RNF43: variants seen among roughly 807,000 people sequenced by gnomAD.
RNF43 encodes ring finger protein 43, also known as E3 ubiquitin-protein ligase RNF43.
RNF43 carries 37 observed loss-of-function variants against 78.4 expected under a neutral mutation model. That is an observed-to-expected ratio of 0.47 (90% CI 0.36 to 0.62). The LOEUF is 0.62. Ranked by LOEUF, RNF43 falls within the 20% of genes least tolerant of loss-of-function variation. The pLI is 0.00. For synonymous variants in RNF43, 347 were observed against 395.0 expected (o/e 0.88, Z 1.44); for missense variants, 774 against 1,007.9 (o/e 0.77, Z 3.14).
In RNF43 at chr17:58,354,939, C is replaced by T; in HGVS notation, c.*4G>A. ...ACTCTTGGTTGGAGCTAGGCCTGAA[C>T]ATCTCACACAGCCTGTTCACACAGC... On this transcript the variant is annotated 3_prime_UTR_variant, in exon 10 of 10. Coordinates refer to ENST00000407977, the MANE Select transcript of RNF43 (RefSeq NM_017763.6). The T allele has an allele frequency of 1.9e-6, 3 of 1,614,048 alleles. No homozygotes were observed. Among genetic ancestry groups the T allele is most frequent in the Non-Finnish European group, 2.5e-6 (3 of 1,179,900 alleles).
chr17:58,389,377 T>G (rs1465972968), intron 2 of RNF43, among the ~76,000 whole-genome samples: 1 of 152,096 alleles, frequency 6.6e-6, no homozygotes, highest in African/African-American at 2.4e-5. Context: ...TAGGGAAAAT[T>G]TAAGTCAGTC....
chr17:58,411,447 C>T (rs1974022953), intron 2 of RNF43, among the ~76,000 whole-genome samples: 1 of 152,004 alleles, frequency 6.6e-6, no homozygotes. Flanking sequence ...GATGGGATAA[C>T]TATGTGTTGA....
chr17:58,382,021 G>C (rs1973331619), intron 2 of RNF43, among the ~76,000 whole-genome samples: 1 of 151,854 alleles, frequency 6.6e-6, no homozygotes, highest in African/African-American at 2.4e-5. Context: ...GTTCAAATTG[G>C]GCCCTTCTCC....
chr17:58,383,157 C>A (rs1024515798), intron 2 of RNF43, among the ~76,000 whole-genome samples: 2 of 152,196 alleles, frequency 1.3e-5, no homozygotes, highest in African/African-American at 4.8e-5. Context: ...AGAATCAGTT[C>A]ACTCTGGATA....
chr17:58,364,577 G>A, intron 3 of RNF43, among the ~76,000 whole-genome samples: 1 of 152,320 alleles, frequency 6.6e-6, no homozygotes, highest in South Asian at 2.1e-4. Flanking sequence ...CTGCTCCTGG[G>A]CTTGGCCTGG....
chr17:58,352,788 C>A, downstream of RNF43: 1 of 218,750 alleles, frequency 4.6e-6, no homozygotes, highest in Non-Finnish European at 9.2e-6. Flanking sequence ...TTGCTCGTTC[C>A]GGCTGATAAT....
intron 2 of RNF43, among the ~76,000 whole-genome samples, chr17:58,375,563 CAATA>C (rs1973189475): frequency 6.6e-6 from 1 of 152,072 alleles, no homozygotes; most frequent in Non-Finnish European, 1.5e-5. Flanking sequence ...GGCACTCAAT[CAATA>C]TTTGTTGATT....
At chr17:58,374,076 A>G (rs2143531002) in intron 2 of RNF43, among the ~76,000 whole-genome samples, 1 of 152,270 alleles carries the variant, frequency 6.6e-6, no homozygotes, top group South Asian at 2.1e-4. Flanking sequence ...CATCCTCATA[A>G]CAACACTATC....
chr17:58,391,931 T>C (rs757735094), intron 2 of RNF43, among the ~76,000 whole-genome samples: 3 of 152,108 alleles, frequency 2.0e-5, no homozygotes, highest in Non-Finnish European at 4.4e-5. Flanking sequence ...CAGATTCCTT[T>C]TGAAGCAGTT....
chr17:58,363,028 C>A, intron 5 of RNF43: 2 of 555,850 alleles, frequency 3.6e-6, no homozygotes, highest in Non-Finnish European at 6.4e-6. Flanking sequence ...CTCTGCTATT[C>A]CATGCCATGA....
chr17:58,366,282 G>T lies in RNF43; in HGVS notation c.376-2682C>A, dbSNP rs1972947887. 2.0e-5 allele frequency among the ~76,000 whole-genome samples: 3 copies of T among 152,120 alleles called. No individual in the cohort carries two copies. In the South Asian group the frequency reaches 6.2e-4, roughly 32 times the overall value. ...CAATCTGGCACAAATGTTCAATATA[G>T]AAAGCAGATAAAAGTGAGGCTGCTT... On this transcript the variant is annotated intron_variant, in intron 3 of 9. Transcript: ENST00000407977.
chr17:58,362,551 C>A lies in RNF43; in HGVS notation c.680G>T (p.Ser227Ile), dbSNP rs753641688. 6.2e-7 allele frequency: 1 copy of A among 1,609,504 alleles called. No homozygotes were observed. Among genetic ancestry groups the A allele is most frequent in the Non-Finnish European group, 8.5e-7 (1 of 1,177,632 alleles). ...VLRIRCRPRH[S>I]RPDPLQQRTA... ...AGACCCCACACTGCTCACCGGCCTG[C>A]TGTGGCGGGGGCGGCACCGGATGCG... Residue 227 changes from serine (S) to isoleucine (I), a missense_variant, in exon 6 of 10, where the codon AGC becomes ATC. Ser to Ile is a moderately radical substitution (Grantham distance 142). Transcript: ENST00000407977.
In RNF43 at chr17:58,395,367, C is replaced by G. The variant is rs1973656353; in HGVS notation, c.252+19959G>C. Among the ~76,000 whole-genome samples the G allele has an allele frequency of 2.6e-5, 4 of 152,164 alleles. No individual in the cohort carries two copies. In the South Asian group the frequency reaches 8.3e-4, roughly 32 times the overall value. On this transcript the variant is annotated intron_variant, in intron 2 of 9. Transcript: ENST00000407977. ...TATATACAACTCAACTATTTCTGAT[C>G]AGAGATCTGGTTCCATAGTCAGATG...
At position 58,396,852 on chromosome 17, in the gene RNF43, T is replaced by C. The variant is rs1207904663; in HGVS notation, c.252+18474A>G. Among the ~76,000 whole-genome samples, 5 of 152,196 alleles carry C rather than the reference T, an allele frequency of 3.3e-5. No homozygotes were observed. In the East Asian group the frequency reaches 9.6e-4, roughly 29 times the overall value. On this transcript the variant is annotated intron_variant, in intron 2 of 9. Coordinates refer to ENST00000407977, the MANE Select transcript of RNF43 (RefSeq NM_017763.6). ...TTATATATACACACACACACTACCA[T>C]AGTAGTTGCTTTTGTATAAAATCAA...
intron 4 of RNF43, 33 bp downstream of exon 4, chr17:58,363,493 C>T (rs747646412): frequency 1.2e-6 from 2 of 1,611,584 alleles, no homozygotes; most frequent in African/African-American, 1.3e-5. Flanking sequence ...TCCATCCAGC[C>T]CCCACCTTGA....
At chr17:58,395,527 T>C (rs576841402) in intron 2 of RNF43, among the ~76,000 whole-genome samples, 1 of 152,282 alleles carries the variant, frequency 6.6e-6, no homozygotes, top group African/African-American at 2.4e-5. Context: ...AGTAATTATA[T>C]TATTATGGCA....
intron 9 of RNF43, among the ~76,000 whole-genome samples, chr17:58,355,768 G>A (rs1357663601): frequency 6.6e-6 from 1 of 152,210 alleles, no homozygotes; most frequent in African/African-American, 2.4e-5. Flanking sequence ...TAGGTGAGCA[G>A]TGGAGCTGTG....
chr17:58,416,783 G>T (rs974331960), intron 1 of RNF43: 2 of 152,126 alleles, frequency 1.3e-5, no homozygotes, highest in Non-Finnish European at 2.9e-5. Flanking sequence ...GAAAATTTGC[G>T]TCTTTGTACA....
chr17:58,393,830 G>A (rs931660200), intron 2 of RNF43, among the ~76,000 whole-genome samples: 8 of 152,126 alleles, frequency 5.3e-5, no homozygotes, highest in African/African-American at 1.2e-4. Flanking sequence ...TGAGGCGGGC[G>A]GATCATGAGG....
Sources: gnomAD v4.1 joint callset for allele counts (sites outside exome capture counted in the v4.1 genomes callset) on GRCh38, gnomAD v4.1.1 for gene constraint, MANE v1.5 for transcripts, NCBI Gene and HGNC (gene_info 2026-07-23, HGNC 2026-07-21) for gene names.